PCNX1: variants seen among roughly 807,000 people sequenced by gnomAD.
PCNX1 encodes the protein pecanex-like protein 1.
Under a neutral mutation model 242.2 loss-of-function variants are expected in PCNX1, and 78 were observed. The observed-to-expected ratio is 0.32, with a 90% CI of 0.27 to 0.39. PCNX1 has a LOEUF of 0.39. PCNX1 is among the 10% of genes least tolerant of loss of function. The pLI, the probability that PCNX1 is intolerant of heterozygous loss-of-function variation, is 1.00. For missense variants in PCNX1, 2,581 were observed against 2,856.5 expected, an observed-to-expected ratio of 0.90 and a Z score of 2.20; for synonymous variants, 1,024 against 1,032.9, an observed-to-expected ratio of 0.99 and a Z score of 0.17.
intron 19 of PCNX1, among the ~76,000 whole-genome samples, chr14:71,039,438 G>A (rs2060642881): frequency 6.6e-6 from 1 of 152,102 alleles, no homozygotes; most frequent in Non-Finnish European, 1.5e-5. Flanking sequence ...ACCATAGGCT[G>A]CCTAACTGTA....
chr14:71,033,128 G>T (rs1027692478), intron 16 of PCNX1, among the ~76,000 whole-genome samples: 2 of 152,160 alleles, frequency 1.3e-5, no homozygotes, highest in Non-Finnish European at 2.9e-5. Context: ...CTTAAAATGT[G>T]AAAGAATTGA....
chr14:71,043,785 T>G (rs2060781215), intron 19 of PCNX1, among the ~76,000 whole-genome samples: 1 of 152,196 alleles, frequency 6.6e-6, no homozygotes, highest in Non-Finnish European at 1.5e-5. Context: ...CTGAGTTTCC[T>G]TCATATCATT....
intron 33 of PCNX1, 54 bp downstream of exon 33, chr14:71,105,494 G>A: frequency 7.5e-7 from 1 of 1,339,462 alleles, no homozygotes; most frequent in Admixed American, 1.7e-5. Context: ...CATAGAGGCT[G>A]GTTAGTATAT....
At chr14:70,918,448 TA>T (rs1433082136) in intron 1 of PCNX1, among the ~76,000 whole-genome samples, 2 of 152,234 alleles carry the variant, frequency 1.3e-5, no homozygotes, top group Non-Finnish European at 2.9e-5. Flanking sequence ...GAATTTACAC[TA>T]TTGTAATTCT....
Position 71,114,485 on chromosome 14 carries a change from T to TAACA in PCNX1, c.*4552_*4555dup, listed in dbSNP as rs1017652948. The TAACA allele has an allele frequency of 8.5e-5, 13 of 152,508 alleles. No homozygotes were observed. Among genetic ancestry groups the TAACA allele is most frequent in the Non-Finnish European group, 1.5e-4 (10 of 68,030 alleles). The allele number at this position is 152,508 out of a possible 1,614,324, so 9.4% of individuals were successfully genotyped here. A position where few individuals can be genotyped will look rare whatever the true frequency, so the allele number is the denominator to read the frequency against. The stretch of plus-strand genomic sequence containing the variant: ...AGAGTCATCTGTCAAGAATTATGTA[T>TAACA]AACAATTTATCTTTATTGCCTACAT... On this transcript the variant is annotated 3_prime_UTR_variant, in exon 36 of 36. Transcript: ENST00000304743.
rs758934821 is a variant in PCNX1, at chr14:71,013,036, T to A, written c.2830T>A (p.Leu944Met). 6.2e-7 allele frequency: 1 copy of A among 1,614,144 alleles called. No individual in the cohort carries two copies. The highest frequency in any genetic ancestry group is 1.6e-4 in the Middle Eastern group (1 of 6,062). ...LNRLLTIDTDLLEQQDIDLSP... is the reference protein window; with the variant it reads ...LNRLLTIDTDMLEQQDIDLSP... ...TAGACTATTGACCATTGATACAGAT[T>A]TGTTGGAGCAACAGGACATTGATCT... Residue 944 changes from leucine to methionine, a missense_variant, in exon 11 of 36, where the codon TTG becomes ATG. This residue lies in a region of PCNX1 where 1,204 missense variants were observed against 1,216.7 expected (regional missense o/e 0.99). Transcript: ENST00000304743.
intron 34 of PCNX1, among the ~76,000 whole-genome samples, 196 bp downstream of exon 34, chr14:71,109,242 C>G (rs535364701): frequency 6.6e-5 from 10 of 152,260 alleles, no homozygotes; most frequent in Non-Finnish European, 1.3e-4. Flanking sequence ...GATATATGTT[C>G]CTTGTTCAGC....
chr14:71,056,309 G>A (rs535469169), intron 25 of PCNX1, among the ~76,000 whole-genome samples: 81 of 152,232 alleles, frequency 5.3e-4, no homozygotes, highest in South Asian at 2.5e-3. Context: ...AATGACCATC[G>A]TCATCATGTT....
At chr14:71,068,432 A>ATATG (rs1365435219) in intron 26 of PCNX1, among the ~76,000 whole-genome samples, 1 of 148,976 alleles carries the variant, frequency 6.7e-6, no homozygotes, top group East Asian at 1.9e-4. Flanking sequence ...GTATATGTAT[A>ATATG]TATGTATGTA....
intron 30 of PCNX1, among the ~76,000 whole-genome samples, chr14:71,098,509 C>CGTGTGTGTGTGTGTGT (rs3221474): frequency 1.4e-4 from 18 of 128,610 alleles, no homozygotes; most frequent in African/African-American, 3.3e-4. Context: ...TAGATGTATT[C>CGTGTGTGTGTGTGTGT]GTGTGTGTGT....
At chr14:71,048,127 T>C (rs1435408337) in intron 22 of PCNX1, 143 bp downstream of exon 22, 1 of 513,884 alleles carries the variant, frequency 1.9e-6, no homozygotes, top group Non-Finnish European at 3.4e-6. Flanking sequence ...AGGAGCACAT[T>C]AGAATCCCTA....
In PCNX1 at chr14:70,913,954, T is replaced by C. The variant is rs528918458; in HGVS notation, c.153+5951T>C. On this transcript the variant is annotated intron_variant, in intron 1 of 35. Coordinates refer to ENST00000304743, the MANE Select transcript of PCNX1 (RefSeq NM_014982.3). Reference sequence around the variant, plus strand: ...TGTTTAGATCTATTAGCCTGTGCCCTTTACCAGTATTTTCAATATTTAGGA... The same window carrying C: ...TGTTTAGATCTATTAGCCTGTGCCCCTTACCAGTATTTTCAATATTTAGGA... Among the ~76,000 whole-genome samples the C allele has an allele frequency of 2.0e-5, 3 of 152,334 alleles. No homozygotes were observed. In the South Asian group the frequency reaches 6.2e-4, roughly 32 times the overall value.
intron 20 of PCNX1, among the ~76,000 whole-genome samples, chr14:71,045,677 T>G (rs2060840791): frequency 6.6e-6 from 1 of 152,198 alleles, no homozygotes; most frequent in Non-Finnish European, 1.5e-5. Context: ...AGTTTTAACT[T>G]AATGCGTAGG....
At chr14:70,915,469 A>G (rs1422705120) in intron 1 of PCNX1, among the ~76,000 whole-genome samples, 1 of 152,184 alleles carries the variant, frequency 6.6e-6, no homozygotes, top group Non-Finnish European at 1.5e-5. Flanking sequence ...TGGAGTTTTA[A>G]ATACTACTTT....
chr14:71,099,370 G>C (rs1397394023), intron 30 of PCNX1, among the ~76,000 whole-genome samples: 3 of 152,140 alleles, frequency 2.0e-5, no homozygotes, highest in African/African-American at 7.2e-5. Context: ...GTGTTAGCCA[G>C]GATGGTCTCG....
At chr14:71,048,545 C>A (rs1414714567) in intron 22 of PCNX1, among the ~76,000 whole-genome samples, 1 of 152,182 alleles carries the variant, frequency 6.6e-6, no homozygotes, top group East Asian at 1.9e-4. Flanking sequence ...AATCACACTA[C>A]CTTTCTCAGT....
intron 5 of PCNX1, among the ~76,000 whole-genome samples, chr14:70,971,653 G>A (rs2058546302): frequency 6.6e-6 from 1 of 152,204 alleles, no homozygotes. Flanking sequence ...AGTAGAGACA[G>A]AAGATAGGGA....
intron 1 of PCNX1, among the ~76,000 whole-genome samples, chr14:70,916,295 G>T (rs1321716898): frequency 6.6e-6 from 1 of 152,178 alleles, no homozygotes; most frequent in Admixed American, 6.5e-5. Flanking sequence ...TTATCAGCAT[G>T]TAGATCTTCT....
At chr14:70,953,491 A>G (rs2057869075) in intron 2 of PCNX1, among the ~76,000 whole-genome samples, 1 of 150,994 alleles carries the variant, frequency 6.6e-6, no homozygotes, top group African/African-American at 2.4e-5. Flanking sequence ...TTTTTTATAT[A>G]TTCATGCTAT....
Sources: allele counts gnomAD v4.1 joint callset (sites outside exome capture counted in the v4.1 genomes callset), GRCh38; gene constraint gnomAD v4.1.1; regional missense constraint gnomAD v4.1.1; transcripts MANE v1.5; gene names NCBI Gene and HGNC (gene_info 2026-07-23, HGNC 2026-07-21).